The following CSF2RB variants were observed in gnomAD, a reference collection of about 807,000 sequenced individuals.
CSF2RB encodes colony stimulating factor 2 receptor subunit beta.
Under a neutral mutation model 67.2 loss-of-function variants are expected in CSF2RB, and 22 were observed. The observed-to-expected ratio is 0.33, with a 90% CI of 0.23 to 0.47. The LOEUF is 0.47. Ranked by LOEUF, CSF2RB falls within the 20% of genes least tolerant of loss-of-function variation. The probability of loss-of-function intolerance (pLI) is 1.00; values close to 1 mark genes in which losing one functional copy is unlikely to be tolerated. For missense variants in CSF2RB, 1,113 were observed against 1,174.5 expected, an observed-to-expected ratio of 0.95 and a Z score of 0.76; for synonymous variants, 507 against 482.9, an observed-to-expected ratio of 1.05 and a Z score of -0.65.
rs1300056587 is a variant in CSF2RB at position 36,938,609 on chromosome 22, T to C, written c.*107T>C. The C allele has an allele frequency of 1.0e-5, 13 of 1,245,712 alleles. No homozygotes were observed. The highest frequency in any genetic ancestry group is 1.4e-5 in the Non-Finnish European group (13 of 913,100). The allele number at this position is 1,245,712 out of a possible 1,614,324, so 77.2% of individuals were successfully genotyped here. ...GCCAAGGGGCAGCCTCCTGTCAAGG[T>C]AGCTAGAGGCCTGGGAAAGGAGATA... On this transcript the variant is annotated 3_prime_UTR_variant, in exon 14 of 14. Coordinates refer to ENST00000403662, the MANE Select transcript of CSF2RB (RefSeq NM_000395.3).
chr22:36,933,683 G>A (rs1941207371), intron 9 of CSF2RB, 149 bp from the exon 10 acceptor site: 2 of 1,080,850 alleles, frequency 1.9e-6, no homozygotes, highest in Non-Finnish European at 2.7e-6. Context: ...GGCCCTCAGG[G>A]AGGATCCACG....
intron 8 of CSF2RB, among the ~76,000 whole-genome samples, chr22:36,932,460 A>G (rs764078848): frequency 1.0e-4 from 15 of 150,488 alleles, no homozygotes; most frequent in Non-Finnish European, 1.9e-4. Flanking sequence ...AAAAATAGCC[A>G]GTTGCCTAGA....
intron 4 of CSF2RB, among the ~76,000 whole-genome samples, chr22:36,929,038 A>AG (rs1941086437): frequency 6.6e-6 from 1 of 152,296 alleles, no homozygotes; most frequent in East Asian, 1.9e-4. Flanking sequence ...GGACAGCAGG[A>AG]GGGGGGAGGC....
At position 36,926,153 on chromosome 22, in the gene CSF2RB, C is replaced by A. The variant is rs761508909; in HGVS notation, c.367C>A (p.Leu123Ile). The A allele has an allele frequency of 4.3e-6, 7 of 1,614,052 alleles. No homozygotes were observed. The highest frequency in any genetic ancestry group is 4.0e-5 in the African/African-American group (3 of 74,936). Residue 123 changes from leucine (L) to isoleucine (I), a missense_variant, in exon 4 of 14, where the codon CTC becomes ATC. Physicochemically the swap from Leu to Ile is conservative, Grantham distance 5 (BLOSUM62 2). Coordinates refer to ENST00000403662, the MANE Select transcript of CSF2RB (RefSeq NM_000395.3). ...FQPDRPLGTRLTVTLTQHVQP... is the reference protein window; with the variant it reads ...FQPDRPLGTRITVTLTQHVQP... ...ACCAGACAGGCCTCTGGGCACCCGG[C>A]TCACCGTCACTCTGACCCAGCATGG...
Position 36,937,102 on chromosome 22 carries a change from G to A in CSF2RB, c.1569-275G>A, listed in dbSNP as rs1366785577. On this transcript the variant is annotated intron_variant, in intron 13 of 13. Coordinates refer to ENST00000403662, the MANE Select transcript of CSF2RB (RefSeq NM_000395.3). This position sits in a 1 kb window ranked among gnomAD's most constrained non-coding sequence, Gnocchi z 4.6. ...GGTGCTGAAGGAGGATGGACTTTAA[G>A]GTCAAAAGGGAGAGGGTACCAGCCT... Among the ~76,000 whole-genome samples, 3 of 152,130 alleles carry A rather than the reference G, an allele frequency of 2.0e-5. No individual in the cohort carries two copies. Among genetic ancestry groups the A allele is most frequent in the Non-Finnish European group, 2.9e-5 (2 of 68,008 alleles).
Position 36,929,089 on chromosome 22 carries a change from GC to G in CSF2RB, c.392-311del, listed in dbSNP as rs201116209. ...CCCTCTGCTAGCAGGAGCCACCCAGGCCGCAGCGTGGGCAGTGGGGAGCCTC... is the reference window on the plus strand; with the variant it reads ...CCCTCTGCTAGCAGGAGCCACCCAGGCGCAGCGTGGGCAGTGGGGAGCCTC... On this transcript the variant is annotated intron_variant, in intron 4 of 13. Transcript: ENST00000403662. Among the ~76,000 whole-genome samples, 1,024 of 152,326 alleles carry G rather than the reference GC, an allele frequency of 6.7e-3. 6 individuals carry two copies. Among genetic ancestry groups the G allele is most frequent in the Middle Eastern group, 0.01 (3 of 294 alleles).
chr22:36,922,682 A>G, intron 2 of CSF2RB: 1 of 347,154 alleles, frequency 2.9e-6, no homozygotes, highest in East Asian at 6.4e-5. Flanking sequence ...AGCCGCTAGC[A>G]CCCTCCTTGT....
intron 3 of CSF2RB, 51 bp from the exon 4 acceptor site, chr22:36,925,936 G>A (rs772490431): frequency 1.3e-6 from 2 of 1,598,308 alleles, no homozygotes; most frequent in South Asian, 2.2e-5. Flanking sequence ...AACCTTTCGT[G>A]AGTCAGTGAT....
chr22:36,935,564 G>A, intron 11 of CSF2RB, 66 bp from the exon 12 acceptor site: 1 of 1,611,512 alleles, frequency 6.2e-7, no homozygotes, highest in Non-Finnish European at 8.5e-7. Flanking sequence ...TTCCCCTCTG[G>A]GCATGAGCAT....
chr22:36,929,357 C>T (rs765958619), intron 4 of CSF2RB, 45 bp from the exon 5 acceptor site: 3 of 1,613,896 alleles, frequency 1.9e-6, no homozygotes, highest in Non-Finnish European at 8.5e-7. Flanking sequence ...CTGACTGCCC[C>T]CCAGCGGTCC....
intron 3 of CSF2RB, chr22:36,923,620 A>G: frequency 1.2e-6 from 1 of 839,014 alleles, no homozygotes; most frequent in Non-Finnish European, 1.4e-6. Context: ...GGTGGTGGCA[A>G]TGGTGAAAAT....
In CSF2RB at chr22:36,921,087, ATGTATG is replaced by A. The variant is rs1940853824; in HGVS notation, c.-172-939_-172-934del. Among the ~76,000 whole-genome samples the A allele has an allele frequency of 2.1e-5, 3 of 140,412 alleles. No homozygotes were observed. In the Admixed American group the frequency reaches 2.3e-4, roughly 11 times the overall value. The allele number at this position is 140,412 out of a possible 152,430, so 92.1% of individuals were successfully genotyped here. On this transcript the variant is annotated intron_variant, in intron 1 of 13. Transcript: ENST00000403662. ...GTGTGTATGTGTGTGTGTGTTGTGC[ATGTATG>A]TGTATGTGTGTCTGTGTATGTGTGC...
At chr22:36,922,335 C>G in intron 2 of CSF2RB, 52 bp downstream of exon 2, 1 of 1,513,924 alleles carries the variant, frequency 6.6e-7, no homozygotes, top group Non-Finnish European at 9.0e-7. Flanking sequence ...CACTGCTGCA[C>G]CCTGGGGGAG....
In CSF2RB at chr22:36,915,597, A is replaced by G. The variant is rs190869606; in HGVS notation, c.-173+1920A>G. ...TCTAATCTCACGTTGATCGACACCT[A>G]GATTGTTTCTAATTTTTCCACATCT... On this transcript the variant is annotated intron_variant, in intron 1 of 13. Transcript: ENST00000403662. 5.8e-4 allele frequency among the ~76,000 whole-genome samples: 89 copies of G among 152,234 alleles called. No individual in the cohort carries two copies. In the East Asian group the frequency reaches 0.014, roughly 25 times the overall value.
rs745934719 is a variant in CSF2RB, at chr22:36,938,167, C to T, written c.2359C>T (p.Pro787Ser). 2.5e-6 allele frequency: 4 copies of T among 1,614,128 alleles called. No homozygotes were observed. The East Asian group carries it at 6.7e-5, about 27-fold the overall frequency. ...GTCACCAAGGAACAATCCTGTCCCC[C>T]CTGAGGCCAAAAGCCCTGTCCTGAA... ...PRSPRNNPVP[P>S]EAKSPVLNPG... The change falls in exon 14 of 14, where the codon CCT (proline) becomes TCT (serine). Residue 787 changes from proline to serine, a missense_variant. Physicochemically the swap from Pro to Ser is moderately conservative, Grantham distance 74. This residue lies in a region of CSF2RB where 554 missense variants were observed against 517.9 expected (regional missense o/e 1.07). Coordinates refer to ENST00000403662, the MANE Select transcript of CSF2RB (RefSeq NM_000395.3).
chr22:36,927,635 C>T (rs1941048896), intron 4 of CSF2RB, among the ~76,000 whole-genome samples: 1 of 152,152 alleles, frequency 6.6e-6, no homozygotes, highest in Non-Finnish European at 1.5e-5. Flanking sequence ...GGACCTGTCC[C>T]TGGAGAGGCT....
Position 36,937,142 on chromosome 22 carries a change from T to C in CSF2RB, c.1569-235T>C, listed in dbSNP as rs1037624849. On this transcript the variant is annotated intron_variant, in intron 13 of 13. Coordinates refer to ENST00000403662, the MANE Select transcript of CSF2RB (RefSeq NM_000395.3). The surrounding 1 kb of genome is among the most constrained non-coding windows in gnomAD (Gnocchi z 4.6). Reference sequence around the variant, plus strand: ...GGTACCAGCCTTGCAGAGGAAGACCTTGAGCTCAGCATGGAGGATGGAGCT... The same window carrying C: ...GGTACCAGCCTTGCAGAGGAAGACCCTGAGCTCAGCATGGAGGATGGAGCT... Among the ~76,000 whole-genome samples the C allele has an allele frequency of 6.6e-6, 1 of 152,080 alleles. No individual in the cohort carries two copies. Among genetic ancestry groups the C allele is most frequent in the Non-Finnish European group, 1.5e-5 (1 of 67,990 alleles).
rs551847642 is a variant in CSF2RB, at chr22:36,922,436, C to T, written c.76+153C>T. ...CCCCTGGCCTTCCCTGGGCCTCCCC[C>T]GCTTCCCTCCTCCTGCACATTCCTG... On this transcript the variant is annotated intron_variant, in intron 2 of 13. Coordinates refer to ENST00000403662, the MANE Select transcript of CSF2RB (RefSeq NM_000395.3). Among the ~76,000 whole-genome samples, 21 of 152,284 alleles carry T rather than the reference C, an allele frequency of 1.4e-4. No homozygotes were observed. The South Asian group carries it at 4.4e-3, about 32-fold the overall frequency.
intron 6 of CSF2RB, 81 bp from the exon 7 acceptor site, chr22:36,930,294 G>C: frequency 6.3e-7 from 1 of 1,597,940 alleles, no homozygotes; most frequent in Non-Finnish European, 8.6e-7. Flanking sequence ...ACCTCTGTGT[G>C]ATGAATCACA....
Sources: gnomAD v4.1 joint callset for allele counts (sites outside exome capture counted in the v4.1 genomes callset) on GRCh38, gnomAD v4.1.1 for gene constraint, gnomAD v4.1.1 regional missense constraint, Gnocchi (gnomAD v3.1) non-coding constraint, MANE v1.5 for transcripts, NCBI Gene and HGNC (gene_info 2026-07-23, HGNC 2026-07-21) for gene names.